The following CFAP251 variants were observed in gnomAD, a reference collection of about 807,000 sequenced individuals.
CFAP251 encodes cilia- and flagella-associated protein 251.
A neutral mutation model predicts 126.7 loss-of-function variants in CFAP251; 93 were observed. That is an observed-to-expected ratio of 0.73 (90% CI 0.62 to 0.87). The LOEUF is 0.87. Ranked by LOEUF, CFAP251 falls within the 40% of genes least tolerant of loss-of-function variation. CFAP251 has a pLI of 0.00. For missense variants in CFAP251, 1,287 were observed against 1,389.2 expected (o/e 0.93, Z 1.17); for synonymous variants, 503 against 506.9 (o/e 0.99, Z 0.10).
At chr12:121,942,729 G>T in intron 6 of CFAP251, 84 bp downstream of exon 6, 1 of 1,281,978 alleles carries the variant, frequency 7.8e-7, no homozygotes, top group Non-Finnish European at 1.1e-6. Context: ...TGTTCAGGCT[G>T]GGCTGTGTGA....
At chr12:121,958,112 G>A (rs949461872) in intron 11 of CFAP251, among the ~76,000 whole-genome samples, 160 bp from the exon 12 acceptor site, 4 of 152,176 alleles carry the variant, frequency 2.6e-5, no homozygotes, top group Admixed American at 2.6e-4. Flanking sequence ...TGCAAATGGA[G>A]GCTGTTGGGT....
intron 19 of CFAP251, among the ~76,000 whole-genome samples, chr12:121,979,626 G>A (rs944835197): frequency 1.4e-5 from 2 of 139,604 alleles, no homozygotes; most frequent in Admixed American, 7.7e-5. Flanking sequence ...GTGCAGTGGT[G>A]TGATCTCAGT....
chr12:121,949,719 C>T (rs916771193), intron 8 of CFAP251: 1 of 151,988 alleles, frequency 6.6e-6, no homozygotes, highest in African/African-American at 2.4e-5. Flanking sequence ...CTCATCTCTA[C>T]AAAAAATTAT....
intron 10 of CFAP251, among the ~76,000 whole-genome samples, chr12:121,955,009 G>T (rs1881678384): frequency 6.6e-6 from 1 of 152,158 alleles, no homozygotes. Context: ...CTGATTACAA[G>T]ATAACATTTA....
At chr12:121,934,434 G>A (rs1487533798) in intron 5 of CFAP251, 78 bp downstream of exon 5, 5 of 1,112,504 alleles carry the variant, frequency 4.5e-6, no homozygotes, top group Non-Finnish European at 6.6e-6. Flanking sequence ...GACAGAATGA[G>A]CAATGCCAAT....
intron 19 of CFAP251, among the ~76,000 whole-genome samples, chr12:121,981,305 C>T (rs1882614695): frequency 1.1e-5 from 1 of 87,990 alleles, no homozygotes; most frequent in Non-Finnish European, 3.7e-5. Flanking sequence ...GACCCTGTCT[C>T]TACAAAAAAT....
chr12:121,991,765 A>G (rs1168313349), intron 19 of CFAP251, among the ~76,000 whole-genome samples: 1 of 152,164 alleles, frequency 6.6e-6, no homozygotes, highest in Non-Finnish European at 1.5e-5. Flanking sequence ...AGGCCGAGGC[A>G]GGCAGATCAC....
chr12:121,990,802 G>A (rs1378555143), intron 19 of CFAP251, among the ~76,000 whole-genome samples: 1 of 152,208 alleles, frequency 6.6e-6, no homozygotes, highest in Non-Finnish European at 1.5e-5. Flanking sequence ...GTCTAAGCAT[G>A]GACAGTTTTT....
chr12:121,936,213 C>T (rs1880889308), intron 5 of CFAP251, among the ~76,000 whole-genome samples: 1 of 152,176 alleles, frequency 6.6e-6, no homozygotes, highest in South Asian at 2.1e-4. Context: ...AGCCTCCCAG[C>T]ACTTTGGGAG....
rs762505193 is a variant in CFAP251 at position 121,957,059 on chromosome 12, T to C, written c.1536-15T>C. On this transcript the variant is annotated splice_polypyrimidine_tract_variant and intron_variant, in intron 10 of 21. Transcript: ENST00000288912. ...TTATTGCTATTTGCAAAACTGATGT[T>C]ATTCTCCATTTCAGCTACATTGTCA... The C allele has an allele frequency of 6.4e-7, 1 of 1,564,684 alleles. No homozygotes were observed. The highest frequency in any genetic ancestry group is 1.2e-5 in the South Asian group (1 of 82,978).
chr12:121,955,273 G>A (rs1002918954), intron 10 of CFAP251, among the ~76,000 whole-genome samples: 4 of 152,172 alleles, frequency 2.6e-5, no homozygotes, highest in Non-Finnish European at 4.4e-5. Flanking sequence ...CAGTCTGGGC[G>A]ACAGAGTGAG....
chr12:121,920,447 A>T (rs962155627), intron 1 of CFAP251, among the ~76,000 whole-genome samples: 3 of 146,200 alleles, frequency 2.1e-5, no homozygotes, highest in Non-Finnish European at 3.0e-5. Flanking sequence ...CCCAGGCTGG[A>T]GTGCAGTGGC....
intron 5 of CFAP251, among the ~76,000 whole-genome samples, chr12:121,935,915 G>A (rs1025237117): frequency 2.6e-5 from 4 of 152,140 alleles, no homozygotes; most frequent in Non-Finnish European, 5.9e-5. Context: ...GTTGTCATCC[G>A]GTATTGCCTT....
intron 2 of CFAP251, among the ~76,000 whole-genome samples, chr12:121,922,652 ACTGT>A (rs1310322001): frequency 1.3e-5 from 2 of 149,292 alleles, no homozygotes; most frequent in Non-Finnish European, 3.0e-5. Flanking sequence ...AGAATAGGTC[ACTGT>A]CTGTAGCTAG....
intron 19 of CFAP251, chr12:121,992,545 T>C (rs1882900127): frequency 1.1e-6 from 1 of 872,682 alleles, no homozygotes; most frequent in Non-Finnish European, 1.4e-6. Flanking sequence ...ACATTGGTAA[T>C]TTATATATAT....
At chr12:121,968,844 T>C (rs553940959) in intron 17 of CFAP251, 1 of 974,950 alleles carries the variant, frequency 1.0e-6, no homozygotes, top group South Asian at 4.7e-5. Flanking sequence ...AGCAAAGTAC[T>C]CGGCAAGTGA....
intron 8 of CFAP251, 59 bp downstream of exon 8, chr12:121,949,120 G>T: frequency 9.1e-7 from 1 of 1,103,478 alleles, no homozygotes; most frequent in South Asian, 1.6e-5. Context: ...TTCATTCTTT[G>T]AGTACAAATG....
At position 121,923,568 on chromosome 12, in the gene CFAP251, T is replaced by C. The variant is rs1592959456; in HGVS notation, c.379-54T>C. On this transcript the variant is annotated intron_variant, in intron 2 of 21. Coordinates refer to ENST00000288912, the MANE Select transcript of CFAP251 (RefSeq NM_144668.6). ...GCTGACTGGGAATAGAAAAGGTGAA[T>C]AAATGGTGAGTAGCAGCACATATGG... The C allele has an allele frequency of 1.2e-5, 18 of 1,541,040 alleles. No individual in the cohort carries two copies. The East Asian group carries it at 2.2e-4, about 19-fold the overall frequency.
chr12:121,926,751 C>G (rs1018418553), intron 3 of CFAP251, among the ~76,000 whole-genome samples: 2 of 152,236 alleles, frequency 1.3e-5, no homozygotes, highest in East Asian at 3.9e-4. Context: ...TCAAGACCAG[C>G]CTGATCAACA....
Sources: gnomAD v4.1 joint callset for allele counts (sites outside exome capture counted in the v4.1 genomes callset) on GRCh38, gnomAD v4.1.1 for gene constraint, MANE v1.5 for transcripts, NCBI Gene and HGNC (gene_info 2026-07-23, HGNC 2026-07-21) for gene names.